PHACTR1: variants seen among roughly 807,000 people sequenced by gnomAD.
PHACTR1 encodes the protein RPEL repeat containing 1.
A neutral mutation model predicts 69.2 loss-of-function variants in PHACTR1; 16 were observed. The ratio of observed to expected loss-of-function variants is 0.23; its 90% CI spans 0.16 to 0.35. PHACTR1 has a LOEUF of 0.35. Among genes scored for constraint, PHACTR1 ranks in the 10% least tolerant of loss-of-function variants. The pLI, the probability that PHACTR1 is intolerant of heterozygous loss-of-function variation, is 1.00. For synonymous variants in PHACTR1, 312 were observed against 284.5 expected (o/e 1.10, Z -0.97); for missense variants, 510 against 734.7 (o/e 0.69, Z 3.54).
chr6:12,997,430 G>T (rs1407597544), intron 4 of PHACTR1, among the ~76,000 whole-genome samples: 5 of 149,072 alleles, frequency 3.4e-5, no homozygotes, highest in African/African-American at 7.3e-5. Context: ...ATGGGGGATG[G>T]GGAGGAGAGA....
chr6:13,113,615 G>T, intron 5 of PHACTR1, among the ~76,000 whole-genome samples: 1 of 152,042 alleles, frequency 6.6e-6, no homozygotes, highest in East Asian at 1.9e-4. Flanking sequence ...CTTAATAAAG[G>T]GTCCTGATAA....
intron 8 of PHACTR1, among the ~76,000 whole-genome samples, chr6:13,219,048 C>T (rs1768190888): frequency 6.6e-6 from 1 of 152,070 alleles, no homozygotes; most frequent in African/African-American, 2.4e-5. Flanking sequence ...AAAGGTCATT[C>T]TTGGTGGGAA....
intron 4 of PHACTR1, among the ~76,000 whole-genome samples, chr6:13,045,580 A>C (rs1003902672): frequency 6.6e-6 from 1 of 152,210 alleles, no homozygotes; most frequent in African/African-American, 2.4e-5. Flanking sequence ...AAATTAGTAC[A>C]TCTTAGGGCA....
intron 4 of PHACTR1, among the ~76,000 whole-genome samples, chr6:12,944,777 A>ATTTATTTTTTTTT (rs1554172498): frequency 1.5e-5 from 2 of 135,760 alleles, no homozygotes; most frequent in African/African-American, 5.8e-5. Context: ...TTATTTATTT[A>ATTTATTTTTTTTT]TTTTTATTTA....
intron 4 of PHACTR1, among the ~76,000 whole-genome samples, chr6:13,040,946 A>G (rs538050785): frequency 1.3e-5 from 2 of 152,298 alleles, no homozygotes; most frequent in South Asian, 2.1e-4. Context: ...CAAAGTCCCA[A>G]TTCTAGGCTC....
At chr6:12,766,114 T>C (rs1291070108) in intron 4 of PHACTR1, among the ~76,000 whole-genome samples, 1 of 152,210 alleles carries the variant, frequency 6.6e-6, no homozygotes, top group African/African-American at 2.4e-5. Context: ...TCCCATTTTA[T>C]ATATTTCTGA....
chr6:12,906,935 T>C (rs1310533031), intron 4 of PHACTR1, among the ~76,000 whole-genome samples: 1 of 152,152 alleles, frequency 6.6e-6, no homozygotes, highest in East Asian at 1.9e-4. Context: ...CAGAACCACA[T>C]GAAGAGGCAC....
At chr6:13,097,504 G>A (rs897114756) in intron 5 of PHACTR1, among the ~76,000 whole-genome samples, 3 of 152,158 alleles carry the variant, frequency 2.0e-5, no homozygotes, top group African/African-American at 7.2e-5. Flanking sequence ...TAAGAGCAGA[G>A]GAAAAGTTAT....
At chr6:13,099,694 A>G (rs1314340434) in intron 5 of PHACTR1, among the ~76,000 whole-genome samples, 3 of 152,252 alleles carry the variant, frequency 2.0e-5, no homozygotes, top group African/African-American at 4.8e-5. Context: ...AAATCCAAAC[A>G]TAACTACATT....
chr6:13,136,478 A>G (rs1055121231), intron 5 of PHACTR1, among the ~76,000 whole-genome samples: 2 of 152,200 alleles, frequency 1.3e-5, no homozygotes, highest in African/African-American at 2.4e-5. Context: ...TTGATCTTCT[A>G]TCCAAACTAT....
chr6:12,972,629 CCTTTCTTT>C (rs66541500), intron 4 of PHACTR1, among the ~76,000 whole-genome samples: 205 of 118,904 alleles, frequency 1.7e-3, no homozygotes, highest in Admixed American at 4.5e-3. Context: ...CACTCTAACT[CCTTTCTTT>C]CTTTCTTTCT....
At chr6:13,145,760 CTCA>C (rs1248013281) in intron 5 of PHACTR1, among the ~76,000 whole-genome samples, 4 of 152,162 alleles carry the variant, frequency 2.6e-5, no homozygotes, top group Admixed American at 6.5e-5. Context: ...GAAGTGAGCC[CTCA>C]TCAGAAGCCA....
chr6:13,134,607 A>G (rs1445291644), intron 5 of PHACTR1, among the ~76,000 whole-genome samples: 9 of 151,978 alleles, frequency 5.9e-5, no homozygotes. Flanking sequence ...GCTCCTTAAG[A>G]GTCATCACCA....
chr6:12,753,281 C>A (rs944155821), intron 4 of PHACTR1, among the ~76,000 whole-genome samples: 25 of 152,174 alleles, frequency 1.6e-4, no homozygotes, highest in African/African-American at 6.0e-4. Context: ...TGAAGAGTTG[C>A]AGCTCATCTG....
chr6:12,721,674 C>T (rs1049127129), intron 3 of PHACTR1, among the ~76,000 whole-genome samples: 1 of 152,280 alleles, frequency 6.6e-6, no homozygotes, highest in South Asian at 2.1e-4. Context: ...GACCTATCAC[C>T]TTGGGAGGCT....
chr6:12,832,772 C>T (rs1561926716), intron 4 of PHACTR1, among the ~76,000 whole-genome samples: 1 of 152,084 alleles, frequency 6.6e-6, no homozygotes, highest in Non-Finnish European at 1.5e-5. Context: ...ACAGCCCCCA[C>T]CCCCCATCTT....
chr6:13,022,834 T>C (rs879908638), intron 4 of PHACTR1, among the ~76,000 whole-genome samples: 4 of 151,966 alleles, frequency 2.6e-5, no homozygotes, highest in Non-Finnish European at 4.4e-5. Context: ...CTGGGCAACA[T>C]GGCGAAACCC....
At chr6:13,154,786 C>T (rs79052319) in intron 5 of PHACTR1, among the ~76,000 whole-genome samples, 183 of 152,080 alleles carry the variant, frequency 1.2e-3, no homozygotes, top group Non-Finnish European at 2.2e-3. Flanking sequence ...CTCCCTTTCT[C>T]GGTGGCTCAC....
At chr6:13,074,200 G>A (rs1583240576) in intron 5 of PHACTR1, among the ~76,000 whole-genome samples, 2 of 152,016 alleles carry the variant, frequency 1.3e-5, no homozygotes, top group African/African-American at 4.8e-5. Context: ...AAATTGTCTG[G>A]GCAAAGGATA....
Sources: allele counts gnomAD v4.1 joint callset (sites outside exome capture counted in the v4.1 genomes callset), GRCh38; gene constraint gnomAD v4.1.1; transcripts MANE v1.5; gene names NCBI Gene and HGNC (gene_info 2026-07-23, HGNC 2026-07-21).